Variants in HOGA1 observed in about 807,000 individuals in gnomAD.
HOGA1 encodes 4-hydroxy-2-oxoglutarate aldolase, mitochondrial.
HOGA1 carries 30 observed loss-of-function variants against 34.3 expected under a neutral mutation model. The observed-to-expected ratio is 0.87, with a 90% CI of 0.65 to 1.19. The LOEUF is 1.19. HOGA1 is among the 50% of genes most tolerant of loss of function. The pLI is 0.00. For synonymous variants in HOGA1, 161 were observed against 174.0 expected (o/e 0.93, Z 0.59); for missense variants, 417 against 436.5 (o/e 0.96, Z 0.40).
At chr10:97,587,117 T>C (rs2040977002) in intron 1 of HOGA1, among the ~76,000 whole-genome samples, 1 of 152,162 alleles carries the variant, frequency 6.6e-6, no homozygotes, top group South Asian at 2.1e-4. Flanking sequence ...CTTCCCTGCT[T>C]CCAGGGTGCA....
intron 3 of HOGA1, 85 bp from the exon 4 acceptor site, chr10:97,599,595 T>A (rs1286927778): frequency 1.3e-5 from 21 of 1,568,684 alleles, no homozygotes; most frequent in Non-Finnish European, 8.7e-7. Context: ...TGAAGCAGGC[T>A]GGGACCTGTG....
chr10:97,598,893 C>T lies in HOGA1; in HGVS notation c.330C>T (p.Ser110=), dbSNP rs770054509. 47 of 1,613,970 alleles carry T rather than the reference C, an allele frequency of 2.9e-5. No homozygotes were observed. The highest frequency in any genetic ancestry group is 6.7e-5 in the East Asian group (3 of 44,872). The change falls in exon 2 of 7, where the codon TCC becomes TCT. Residue 110 remains serine, a synonymous_variant. Coordinates refer to ENST00000370646, the MANE Select transcript of HOGA1 (RefSeq NM_138413.4). The part of the protein sequence containing the change: ...MPKNRLLLAG[S]GCESTQATVE... ...AGAACAGGCTCCTGCTAGCTGGCTC[C>T]GGATGCGAGTGTGAGCCAGAATGCC...
At chr10:97,591,997 C>T (rs2041029254) in intron 1 of HOGA1, among the ~76,000 whole-genome samples, 2 of 151,324 alleles carry the variant, frequency 1.3e-5, no homozygotes, top group Non-Finnish European at 2.9e-5. Flanking sequence ...CACCACCATG[C>T]CTGGCAAATT....
intron 6 of HOGA1, chr10:97,602,438 T>C (rs1037757161): frequency 2.9e-4 from 288 of 985,238 alleles, no homozygotes; most frequent in Non-Finnish European, 3.4e-4. Flanking sequence ...GAGAGTGTTG[T>C]CTTCAAATAA....
At position 97,603,268 on chromosome 10, in the gene HOGA1, T is replaced by A. The variant is rs2041133706; in HGVS notation, c.834+1278T>A. Among the ~76,000 whole-genome samples the A allele has an allele frequency of 6.6e-6, 1 of 152,080 alleles. No individual in the cohort carries two copies. Among genetic ancestry groups the A allele is most frequent in the Non-Finnish European group, 1.5e-5 (1 of 68,000 alleles). Reference sequence around the variant, plus strand: ...ATCCTCCTGCCTCGGCCTCCCAATCTTTTTTCTTTTATTTTTTTTATTTTC... The same window carrying A: ...ATCCTCCTGCCTCGGCCTCCCAATCATTTTTCTTTTATTTTTTTTATTTTC... On this transcript the variant is annotated intron_variant, in intron 6 of 6. Coordinates refer to ENST00000370646, the MANE Select transcript of HOGA1 (RefSeq NM_138413.4). This position sits in a 1 kb window ranked among gnomAD's most constrained non-coding sequence, Gnocchi z 4.5.
intron 6 of HOGA1, among the ~76,000 whole-genome samples, chr10:97,611,035 G>C (rs1338271601): frequency 6.6e-6 from 1 of 152,154 alleles, no homozygotes; most frequent in African/African-American, 2.4e-5. Flanking sequence ...GGAGCTATGG[G>C]GAGGTGAGGG....
chr10:97,600,644 C>A, intron 5 of HOGA1: 1 of 205,478 alleles, frequency 4.9e-6, no homozygotes, highest in Non-Finnish European at 1.0e-5. Flanking sequence ...CTAGGAATGT[C>A]ACTTAGATCA....
intron 6 of HOGA1, among the ~76,000 whole-genome samples, chr10:97,610,003 C>T (rs771995402): frequency 1.4e-4 from 21 of 152,164 alleles, no homozygotes; most frequent in Non-Finnish European, 2.8e-4. Flanking sequence ...TTTTATCCTC[C>T]TAAGGTTTTA....
At chr10:97,588,191 TTTTC>T (rs1424622525) in intron 1 of HOGA1, among the ~76,000 whole-genome samples, 4 of 141,976 alleles carry the variant, frequency 2.8e-5, no homozygotes, top group Admixed American at 7.2e-5. Flanking sequence ...TCTTTTTGTT[TTTTC>T]TTTCTTTTTT....
intron 1 of HOGA1, chr10:97,589,617 C>T (rs1217788380): frequency 1.1e-5 from 4 of 365,032 alleles, no homozygotes; most frequent in African/African-American, 6.2e-5. Flanking sequence ...CCTCTCCCCA[C>T]CCCACTCTCC....
Position 97,584,825 on chromosome 10 carries a change from CT to C in HOGA1, c.123del (p.Val42Ter), listed in dbSNP as rs1419840309. Reference sequence around the variant, plus strand: ...GTGGACATTGCGGGTATCTACCCCCCTGTGACCACCCCCTTCACTGCCACTG... The same window carrying C: ...GTGGACATTGCGGGTATCTACCCCCCGTGACCACCCCCTTCACTGCCACTG... The part of the protein sequence containing the change: ...KKVDIAGIYP[P>X]VTTPFTATAE... On this transcript the variant is annotated frameshift_variant, in exon 1 of 7. Coordinates refer to ENST00000370646, the MANE Select transcript of HOGA1 (RefSeq NM_138413.4). LOFTEE classifies it high-confidence loss of function. 2.1e-5 allele frequency: 34 copies of C among 1,614,036 alleles called. No individual in the cohort carries two copies. Among genetic ancestry groups the C allele is most frequent in the Admixed American group, 3.3e-5 (2 of 60,008 alleles).
chr10:97,598,906 G>A lies in HOGA1; in HGVS notation c.340+3G>A, dbSNP rs891430386. The stretch of plus-strand genomic sequence containing the variant: ...GCTAGCTGGCTCCGGATGCGAGTGT[G>A]AGCCAGAATGCCCTGGGCCCTGGGG... On this transcript the variant is annotated splice_donor_region_variant and intron_variant, in intron 2 of 6. Coordinates refer to ENST00000370646, the MANE Select transcript of HOGA1 (RefSeq NM_138413.4). 21 of 1,613,794 alleles carry A rather than the reference G, an allele frequency of 1.3e-5. No individual in the cohort carries two copies. The highest frequency in any genetic ancestry group is 1.8e-5 in the Non-Finnish European group (21 of 1,180,026).
chr10:97,588,110 C>T (rs540214311), intron 1 of HOGA1, among the ~76,000 whole-genome samples: 144 of 152,262 alleles, frequency 9.5e-4, no homozygotes, highest in Non-Finnish European at 1.7e-3. Flanking sequence ...CCATGCCCGG[C>T]CCCGTGTAGC....
chr10:97,588,819 A>C (rs1318674843), intron 1 of HOGA1, among the ~76,000 whole-genome samples: 5 of 152,216 alleles, frequency 3.3e-5, no homozygotes, highest in Non-Finnish European at 1.5e-5. Flanking sequence ...AAGCATCACA[A>C]TGTTTACAAC....
chr10:97,605,672 A>G (rs2041151804), intron 6 of HOGA1, among the ~76,000 whole-genome samples: 2 of 152,076 alleles, frequency 1.3e-5, no homozygotes, highest in Admixed American at 1.3e-4. Flanking sequence ...TTTAATTTGC[A>G]TTTCTCTGAT....
rs771094911 is a variant in HOGA1 at position 97,599,069 on chromosome 10, C to T, written c.341-20C>T. Reference sequence around the variant, plus strand: ...CAGGCCTCCTTCTGCCTGCTCTCACCTCTCTCCTTCCTCTGGCAGCCACTC... The same window carrying T: ...CAGGCCTCCTTCTGCCTGCTCTCACTTCTCTCCTTCCTCTGGCAGCCACTC... On this transcript the variant is annotated intron_variant, in intron 2 of 6. Transcript: ENST00000370646. 4 of 1,611,662 alleles carry T rather than the reference C, an allele frequency of 2.5e-6. No individual in the cohort carries two copies. In the Admixed American group the frequency reaches 5.0e-5, roughly 20 times the overall value.
rs762875071 is a variant in HOGA1, at chr10:97,601,868, G to C, written c.712G>C (p.Gly238Arg). 6.2e-7 allele frequency: 1 copy of C among 1,612,374 alleles called. No individual in the cohort carries two copies. Among genetic ancestry groups the C allele is most frequent in the South Asian group, 1.1e-5 (1 of 90,976 alleles). ...CTTACTTCGTGCAGGAGCTGTGGGGGGCGTCTGCGCCCTGGCCAATGTCCT... is the reference window on the plus strand; with the variant it reads ...CTTACTTCGTGCAGGAGCTGTGGGGCGCGTCTGCGCCCTGGCCAATGTCCT... ...MASYALGAVG[G>R]VCALANVLGA... Residue 238 changes from glycine (G) to arginine (R), a missense_variant, in exon 6 of 7, where the codon GGC becomes CGC. Gly to Arg is a moderately radical substitution (Grantham distance 125, BLOSUM62 -2). Transcript: ENST00000370646.
chr10:97,590,279 G>A (rs1171276727), intron 1 of HOGA1: 1 of 1,613,712 alleles, frequency 6.2e-7, no homozygotes, highest in South Asian at 1.1e-5. Context: ...GGCCGCTGTG[G>A]CTGCCTGCAC....
intron 6 of HOGA1, among the ~76,000 whole-genome samples, chr10:97,609,032 G>C (rs987506603): frequency 6.6e-6 from 1 of 152,168 alleles, no homozygotes; most frequent in Non-Finnish European, 1.5e-5. Flanking sequence ...TTACAGAAAC[G>C]ACAGCTGAGG....
Sources: allele counts gnomAD v4.1 joint callset (sites outside exome capture counted in the v4.1 genomes callset), GRCh38; gene constraint gnomAD v4.1.1; non-coding constraint Gnocchi (gnomAD v3.1); transcripts MANE v1.5; gene names NCBI Gene and HGNC (gene_info 2026-07-23, HGNC 2026-07-21).